The following ZNF790 variants were observed in gnomAD, a reference collection of about 807,000 sequenced individuals.
ZNF790 encodes zinc finger protein 790.
In ZNF790, 8 loss-of-function variants were observed where a neutral mutation model predicts 12.1. The observed-to-expected ratio is 0.66, with a 90% CI of 0.39 to 1.19. The LOEUF (loss-of-function observed/expected upper bound fraction) is 1.19, where lower values mean the gene tolerates loss of function less well. Ranked by LOEUF, ZNF790 falls within the 50% of genes most tolerant of loss-of-function variation. The probability of loss-of-function intolerance (pLI) is 0.01; values close to 1 mark genes in which losing one functional copy is unlikely to be tolerated. For synonymous variants in ZNF790, 252 were observed against 244.3 expected (o/e 1.03, Z -0.29); for missense variants, 707 against 752.2 (o/e 0.94, Z 0.70).
In ZNF790 at chr19:36,819,653, A is replaced by G. The variant is rs1278200363; in HGVS notation, c.691T>C (p.Cys231Arg). 5.0e-6 allele frequency: 8 copies of G among 1,608,610 alleles called. No individual in the cohort carries two copies. The highest frequency in any genetic ancestry group is 1.3e-5 in the African/African-American group (1 of 74,784). Residue 231 changes from cysteine (C) to arginine (R), a missense_variant, in exon 5 of 5, where the codon TGT becomes CGT. Cys to Arg is a radical substitution (Grantham distance 180, BLOSUM62 -3). Coordinates refer to ENST00000356725, the MANE Select transcript of ZNF790 (RefSeq NM_206894.4). ...TVKKTYECKE[C>R]GKSFSLRSSL... ...GAACGTAAACTAAAAGACTTCCCAC[A>G]TTCTTTACATTCATATGTTTTCTTA...
At chr19:36,829,241 C>T (rs753329533) in intron 1 of ZNF790, among the ~76,000 whole-genome samples, 4 of 152,132 alleles carry the variant, frequency 2.6e-5, no homozygotes, top group African/African-American at 4.8e-5. Flanking sequence ...TTCATCATTT[C>T]GAAAAGAAAC....
In ZNF790 at chr19:36,820,010, G is replaced by C. The variant is rs1411011523; in HGVS notation, c.334C>G (p.Leu112Val). The change falls in exon 5 of 5, where the codon CTT (leucine) becomes GTT (valine). Residue 112 changes from leucine to valine, a missense_variant. By Grantham distance (32) the Leu-to-Val change is conservative. Transcript: ENST00000356725. Reference sequence around the variant, plus strand: ...TCACCTCTAAAACATAAACAGTCAAGGCTGTGGTTTTTACAAATTCTCATT... The same window carrying C: ...TCACCTCTAAAACATAAACAGTCAACGCTGTGGTTTTTACAAATTCTCATT... Reference protein sequence around the residue: ...EIMRICKNHSLDCLCFRGDWE... With the variant: ...EIMRICKNHSVDCLCFRGDWE... 6 of 1,613,778 alleles carry C rather than the reference G, an allele frequency of 3.7e-6. No individual in the cohort carries two copies. The highest frequency in any genetic ancestry group is 5.1e-6 in the Non-Finnish European group (6 of 1,180,018).
rs974761785 is a variant in ZNF790 at position 36,826,481 on chromosome 19, G to A, written c.-73-789C>T. Among the ~76,000 whole-genome samples the A allele has an allele frequency of 1.3e-4, 20 of 151,288 alleles. 1 individual carries two copies. The highest frequency in any genetic ancestry group is 2.0e-4 in the Admixed American group (3 of 15,190). ...CCCTGTAATCCCAGCTATTCGGGAG[G>A]CTGAGGCAGGAGAATCGCTTGAACC... is the stretch of plus-strand genomic sequence containing the variant. On this transcript the variant is annotated intron_variant, in intron 1 of 4. Transcript: ENST00000356725.
chr19:36,819,759 C>T lies in ZNF790; in HGVS notation c.585G>A (p.Glu195=). 6.2e-6 allele frequency: 10 copies of T among 1,613,320 alleles called. No homozygotes were observed. The highest frequency in any genetic ancestry group is 8.5e-6 in the Non-Finnish European group (10 of 1,179,686). ...HTQHQLIHTS[E]KFCGDKECGN... is the part of the protein sequence containing the mutation. ...CACATTCTTTATCTCCACAGAATTT[C>T]TCACTTGTGTGAATTAACTGATGTT... The change falls in exon 5 of 5, where the codon GAG becomes GAA. Residue 195 remains glutamate, a synonymous_variant. Coordinates refer to ENST00000356725, the MANE Select transcript of ZNF790 (RefSeq NM_206894.4).
At chr19:36,831,598 A>G (rs372528282) in intron 1 of ZNF790, among the ~76,000 whole-genome samples, 1 of 152,228 alleles carries the variant, frequency 6.6e-6, no homozygotes, top group Non-Finnish European at 1.5e-5. Flanking sequence ...AAAGTATAGT[A>G]TGGAACACAG....
intron 1 of ZNF790, among the ~76,000 whole-genome samples, chr19:36,847,858 A>C (rs1213615894): frequency 6.6e-6 from 1 of 152,064 alleles, no homozygotes; most frequent in Non-Finnish European, 1.5e-5. Flanking sequence ...GAATGGGTCC[A>C]GCCCTTCAGT....
At chr19:36,847,669 G>A (rs1455596187) in intron 1 of ZNF790, among the ~76,000 whole-genome samples, 3 of 150,656 alleles carry the variant, frequency 2.0e-5, no homozygotes, top group African/African-American at 4.9e-5. Flanking sequence ...AGAATCACTT[G>A]AACTGGGGAG....
chr19:36,834,906 G>A (rs534023318), intron 1 of ZNF790, among the ~76,000 whole-genome samples: 1 of 152,306 alleles, frequency 6.6e-6, no homozygotes, highest in East Asian at 1.9e-4. Context: ...GCTAAAGCCT[G>A]CAATTCATAA....
At position 36,818,280 on chromosome 19, in the gene ZNF790, CTG is replaced by C; in HGVS notation, c.*151_*152del. On this transcript the variant is annotated 3_prime_UTR_variant, in exon 5 of 5. Transcript: ENST00000356725. ...CTATATTGATTGCATGATGAATTCT[CTG>C]CTGCTGCTGCTGCTGCTGCTGCTGG... 5.3e-4 allele frequency: 2 copies of C among 3,752 alleles called. No individual in the cohort carries two copies. Among genetic ancestry groups the C allele is most frequent in the Non-Finnish European group, 0.25 (2 of 8 alleles). 0.2% of individuals were successfully genotyped at this position (3,752 alleles called of 1,614,324 possible). A position where few individuals can be genotyped will look rare whatever the true frequency, so the allele number is the denominator to read the frequency against.
chr19:36,848,805 G>T (rs201331925), intron 1 of ZNF790, among the ~76,000 whole-genome samples: 2,613 of 151,766 alleles, frequency 0.017, 69 homozygotes, highest in East Asian at 0.12. Context: ...TTTTTTGGGG[G>T]TTTTTTGAGA....
rs1234477109 is a variant in ZNF790, at chr19:36,818,809, C to T, written c.1535G>A (p.Gly512Glu). 1 of 1,612,056 alleles carries T rather than the reference C, an allele frequency of 6.2e-7. No homozygotes were observed. Among genetic ancestry groups the T allele is most frequent in the East Asian group, 2.2e-5 (1 of 44,838 alleles). ...TTGTGAACCCCAGAGAAAGGCTTTT[C>T]CACATTCTTCACATTCATATGGCCT... ...GKRPYECEEC[G>E]KAFLWGSQLT... Residue 512 changes from glycine to glutamate, a missense_variant, in exon 5 of 5, where the codon GGA becomes GAA. Transcript: ENST00000356725.
chr19:36,828,940 C>T (rs1468267120), intron 1 of ZNF790, among the ~76,000 whole-genome samples: 1 of 152,150 alleles, frequency 6.6e-6, no homozygotes, highest in Non-Finnish European at 1.5e-5. Context: ...GTGGAAGCCA[C>T]AGTGATGCTA....
chr19:36,832,049 C>G (rs2071954516), intron 1 of ZNF790, among the ~76,000 whole-genome samples: 1 of 151,992 alleles, frequency 6.6e-6, no homozygotes, highest in African/African-American at 2.4e-5. Context: ...ATGAGGGAGT[C>G]AAAACATTTT....
chr19:36,834,305 G>A (rs960056127), intron 1 of ZNF790, among the ~76,000 whole-genome samples: 8 of 148,224 alleles, frequency 5.4e-5, no homozygotes, highest in Non-Finnish European at 1.5e-5. Flanking sequence ...GCTAGGAGAC[G>A]ATATATACAA....
intron 1 of ZNF790, among the ~76,000 whole-genome samples, chr19:36,845,554 A>C (rs2072172689): frequency 6.6e-6 from 1 of 152,224 alleles, no homozygotes; most frequent in South Asian, 2.1e-4. Context: ...AATAAAGCAA[A>C]AATGAGGATG....
chr19:36,847,547 C>T (rs574862484), intron 1 of ZNF790, among the ~76,000 whole-genome samples: 7 of 151,192 alleles, frequency 4.6e-5, no homozygotes, highest in African/African-American at 1.7e-4. Flanking sequence ...GTCAGGAGTT[C>T]GAGACAAGCC....
chr19:36,820,368 A>G (rs568983805), intron 4 of ZNF790, among the ~76,000 whole-genome samples: 1 of 152,352 alleles, frequency 6.6e-6, no homozygotes, highest in Admixed American at 6.5e-5. Context: ...AAAAATGATT[A>G]TCCAGGTATC....
intron 4 of ZNF790, among the ~76,000 whole-genome samples, chr19:36,820,391 GAAT>G (rs1312698367): frequency 1.4e-4 from 21 of 152,140 alleles, no homozygotes; most frequent in African/African-American, 4.6e-4. Context: ...CTCAATAACA[GAAT>G]AATAAGTCAT....
chr19:36,849,300 T>C (rs1195013573), intron 1 of ZNF790, among the ~76,000 whole-genome samples: 1 of 152,162 alleles, frequency 6.6e-6, no homozygotes, highest in Admixed American at 6.6e-5. Flanking sequence ...CTTCCTGCCA[T>C]CATATTTCGG....
Sources: allele counts gnomAD v4.1 joint callset (sites outside exome capture counted in the v4.1 genomes callset), GRCh38; gene constraint gnomAD v4.1.1; transcripts MANE v1.5; gene names NCBI Gene and HGNC (gene_info 2026-07-23, HGNC 2026-07-21).